SYT12: variants seen among roughly 807,000 people sequenced by gnomAD.
SYT12 encodes the protein synaptotagmin-12.
Under a neutral mutation model 39.5 loss-of-function variants are expected in SYT12, and 27 were observed. The observed-to-expected ratio is 0.68, with a 90% confidence interval of 0.50 to 0.94. The LOEUF is 0.94. Ranked by LOEUF, SYT12 falls within the 40% of genes least tolerant of loss-of-function variation. SYT12 has a pLI of 0.00. For synonymous variants in SYT12, 233 were observed against 239.7 expected (o/e 0.97, Z 0.26); for missense variants, 536 against 572.6 (o/e 0.94, Z 0.65).
At chr11:67,032,283 C>A (rs1426340112) in intron 2 of SYT12, 3 of 152,254 alleles carry the variant, frequency 2.0e-5, no homozygotes, top group Non-Finnish European at 4.4e-5. Flanking sequence ...CAAGACAGAG[C>A]CACCAGCCCT....
intron 2 of SYT12, chr11:67,032,076 C>T (rs1201215580): frequency 6.6e-6 from 1 of 152,270 alleles, no homozygotes; most frequent in Non-Finnish European, 1.5e-5. Context: ...CCCATTCCTT[C>T]TGTTTTTCCC....
intron 3 of SYT12, among the ~76,000 whole-genome samples, chr11:67,039,378 A>C (rs542385949): frequency 6.6e-6 from 1 of 151,790 alleles, no homozygotes; most frequent in Non-Finnish European, 1.5e-5. Flanking sequence ...TGGGAGGCCG[A>C]GGTAGGTGGG....
rs370408662 is a variant in SYT12 at position 67,048,577 on chromosome 11, T to C, written c.1093-7T>C. On this transcript the variant is annotated splice_polypyrimidine_tract_variant and splice_region_variant and intron_variant, in intron 7 of 7. Transcript: ENST00000527043. ...GGTCCTCAGCACCCATGTTGCCTCT[T>C]CCTCAGGACCTGTCTCTCCGCGTGA... The C allele has an allele frequency of 6.4e-5, 101 of 1,589,322 alleles. No homozygotes were observed. Among genetic ancestry groups the C allele is most frequent in the Admixed American group, 2.0e-4 (12 of 59,630 alleles).
intron 7 of SYT12, among the ~76,000 whole-genome samples, 154 bp from the exon 8 acceptor site, chr11:67,048,430 G>C (rs557819275): frequency 6.6e-6 from 1 of 152,194 alleles, no homozygotes; most frequent in East Asian, 1.9e-4. Flanking sequence ...AGTGACCTGG[G>C]GCAAGTCTCC....
chr11:67,025,205 A>G (rs771968195), intron 1 of SYT12, among the ~76,000 whole-genome samples: 6 of 152,214 alleles, frequency 3.9e-5, no homozygotes, highest in Non-Finnish European at 8.8e-5. Flanking sequence ...CTGAATCATC[A>G]TGTCCACATT....
rs570877175 is a variant in SYT12 at position 67,048,586 on chromosome 11, C to G, written c.1095C>G (p.Asp365Glu). 1.3e-6 allele frequency: 2 copies of G among 1,596,568 alleles called. No homozygotes were observed. The highest frequency in any genetic ancestry group is 8.6e-7 in the Non-Finnish European group (1 of 1,165,746). Residue 365 changes from aspartate to glutamate, a missense_variant and splice_region_variant, in exon 8 of 8, where the codon GAC (aspartate) becomes GAG (glutamate). Coordinates refer to ENST00000527043, the MANE Select transcript of SYT12 (RefSeq NM_177963.4). ...IFSVPAIVLQDLSLRVTVAES... is the reference protein window; with the variant it reads ...IFSVPAIVLQELSLRVTVAES... ...CACCCATGTTGCCTCTTCCTCAGGA[C>G]CTGTCTCTCCGCGTGACGGTGGCTG...
At chr11:67,018,454 A>G (rs1950076757), upstream of SYT12, among the ~76,000 whole-genome samples, 1 of 151,870 alleles carries the variant, frequency 6.6e-6, no homozygotes, top group African/African-American at 2.4e-5. Flanking sequence ...GAGCCCTGTA[A>G]TTCAAGTCTG....
intron 1 of SYT12, among the ~76,000 whole-genome samples, chr11:67,008,602 G>A (rs953784593): frequency 2.6e-5 from 4 of 152,098 alleles, no homozygotes; most frequent in Non-Finnish European, 5.9e-5. Flanking sequence ...CCAGGCTAGA[G>A]TGCAATGGCA....
rs545890114 is a variant in SYT12 at position 67,026,280 on chromosome 11, C to CT, written c.-24+2829dup. Among the ~76,000 whole-genome samples, 446 of 151,058 alleles carry CT rather than the reference C, an allele frequency of 3.0e-3. 2 individuals carry two copies. The highest frequency in any genetic ancestry group is 5.4e-3 in the Non-Finnish European group (363 of 67,646). On this transcript the variant is annotated intron_variant, in intron 1 of 7. Coordinates refer to ENST00000527043, the MANE Select transcript of SYT12 (RefSeq NM_177963.4). ...CTAACTTTCTTTTTTTCTTTTCTTTCTTTTTTTTTGAGATGGAGTTTTGCT... is the reference window on the plus strand; with the variant it reads ...CTAACTTTCTTTTTTTCTTTTCTTTCTTTTTTTTTTGAGATGGAGTTTTGCT...
At chr11:67,035,837 C>CTTTCTTT in intron 3 of SYT12, among the ~76,000 whole-genome samples, 1 of 111,142 alleles carries the variant, frequency 9.0e-6, no homozygotes, top group East Asian at 2.8e-4. Context: ...TTCCTTCCTT[C>CTTTCTTT]CTTTCTTTCT....
At chr11:67,034,509 G>A (rs1375337196) in intron 2 of SYT12, 136 bp from the exon 3 acceptor site, 18 of 713,312 alleles carry the variant, frequency 2.5e-5, no homozygotes, top group Non-Finnish European at 3.9e-5. Context: ...TGTCTTGTTC[G>A]ACATGGGATC....
chr11:67,016,434 G>A (rs1038530804), intron 3 of SYT12, among the ~76,000 whole-genome samples: 1 of 152,132 alleles, frequency 6.6e-6, no homozygotes, highest in Non-Finnish European at 1.5e-5. Flanking sequence ...GGGAAGAAAG[G>A]ATTCTTGCCA....
At chr11:67,018,552 G>C (rs1565327665), upstream of SYT12, among the ~76,000 whole-genome samples, 1 of 152,088 alleles carries the variant, frequency 6.6e-6, no homozygotes, top group African/African-American at 2.4e-5. Context: ...GCCGGGCGCG[G>C]TGGCTCAAGC....
chr11:67,045,820 C>G lies in SYT12; in HGVS notation c.1035C>G (p.Asp345Glu). ...SKKKTAVKRD[D>E]PNPVFNEAMI... ...AGAAGACAGCCGTGAAGAGGGATGA[C>G]CCCAACCCGGTGTTCAACGAAGCCA... The change falls in exon 7 of 8, where the codon GAC becomes GAG. Residue 345 changes from aspartate (D) to glutamate (E), a missense_variant. Physicochemically the swap from Asp to Glu is conservative, Grantham distance 45. Transcript: ENST00000527043. 1 of 1,613,882 alleles carries G rather than the reference C, an allele frequency of 6.2e-7. No individual in the cohort carries two copies. The highest frequency in any genetic ancestry group is 8.5e-7 in the Non-Finnish European group (1 of 1,179,938).
intron 2 of SYT12, among the ~76,000 whole-genome samples, chr11:67,033,272 C>T (rs1240685524): frequency 6.6e-6 from 1 of 152,162 alleles, no homozygotes; most frequent in East Asian, 1.9e-4. Flanking sequence ...TCTCAGCTTA[C>T]ATGTCCCTCT....
upstream of SYT12, among the ~76,000 whole-genome samples, chr11:67,021,331 T>TTTTG (rs368670794): frequency 6.6e-6 from 1 of 152,070 alleles, no homozygotes; most frequent in East Asian, 1.9e-4. Context: ...TGCTTTTTTT[T>TTTTG]TTTGTTTGTT....
chr11:67,043,572 C>T (rs962312384), intron 4 of SYT12, 66 bp from the exon 5 acceptor site: 1 of 1,484,866 alleles, frequency 6.7e-7, no homozygotes, highest in Non-Finnish European at 9.4e-7. Context: ...GACTCCCTGT[C>T]CAGTGCTGTC....
intron 4 of SYT12, among the ~76,000 whole-genome samples, chr11:67,040,411 T>C (rs1950488454): frequency 6.6e-6 from 1 of 152,066 alleles, no homozygotes; most frequent in African/African-American, 2.4e-5. Context: ...TCCCATTGTG[T>C]GGAGTTCTTA....
chr11:67,009,387 G>T (rs1949995650), intron 1 of SYT12, among the ~76,000 whole-genome samples: 1 of 152,000 alleles, frequency 6.6e-6, no homozygotes, highest in South Asian at 2.1e-4. Context: ...TACCTCCCAG[G>T]CTCAAGCAAT....
Sources: allele counts gnomAD v4.1 joint callset (sites outside exome capture counted in the v4.1 genomes callset), GRCh38; gene constraint gnomAD v4.1.1; transcripts MANE v1.5; gene names NCBI Gene and HGNC (gene_info 2026-07-23, HGNC 2026-07-21).